Variants in EPS8 observed in about 807,000 individuals in gnomAD.
EPS8 encodes epidermal growth factor receptor kinase substrate 8.
Under a neutral mutation model 103.8 loss-of-function variants are expected in EPS8, and 42 were observed. The ratio of observed to expected loss-of-function variants is 0.40; its 90% confidence interval spans 0.32 to 0.52. EPS8 has a LOEUF of 0.52. Among genes scored for constraint, EPS8 ranks in the 20% least tolerant of loss-of-function variants. EPS8 has a pLI of 0.40. For missense variants in EPS8, 969 were observed against 1,005.1 expected, an observed-to-expected ratio of 0.96 and a Z score of 0.49; for synonymous variants, 344 against 344.6, an observed-to-expected ratio of 1.00 and a Z score of 0.02.
Position 15,714,555 on chromosome 12 carries a change from C to T in EPS8, c.-21-31583G>A, listed in dbSNP as rs377188649. Among the ~76,000 whole-genome samples, 2 of 152,120 alleles carry T rather than the reference C, an allele frequency of 1.3e-5. No homozygotes were observed. Among genetic ancestry groups the T allele is most frequent in the African/African-American group, 2.4e-5 (1 of 41,426 alleles). On this transcript the variant is annotated intron_variant, in intron 1 of 20. Coordinates refer to ENST00000281172, the MANE Select transcript of EPS8 (RefSeq NM_004447.6). The surrounding 1 kb of genome is among the most constrained non-coding windows in gnomAD (Gnocchi z 4.1). ...TGCTCATGAGGCTGAGACAGGAGAA[C>T]TGCTTGAGCCCAGGAGTTTGAGCCC...
At position 15,777,962 on chromosome 12, in the gene EPS8, G is replaced by A. The variant is rs1400854138; in HGVS notation, c.-22+11199C>T. ...GGGACTGAAACTTTTTGTTTCAACAGTTTGGGTAAGAAATGTAAAAAAATT... is the reference window on the plus strand; with the variant it reads ...GGGACTGAAACTTTTTGTTTCAACAATTTGGGTAAGAAATGTAAAAAAATT... On this transcript the variant is annotated intron_variant, in intron 1 of 20. Coordinates refer to ENST00000281172, the MANE Select transcript of EPS8 (RefSeq NM_004447.6). This position sits in a 1 kb window ranked among gnomAD's most constrained non-coding sequence, Gnocchi z 4.7. 6.6e-6 allele frequency among the ~76,000 whole-genome samples: 1 copy of A among 152,180 alleles called. No individual in the cohort carries two copies. The highest frequency in any genetic ancestry group is 1.5e-5 in the Non-Finnish European group (1 of 68,030).
At chr12:15,636,865 A>G (rs940545910) in intron 17 of EPS8, among the ~76,000 whole-genome samples, 1 of 152,246 alleles carries the variant, frequency 6.6e-6, no homozygotes, top group African/African-American at 2.4e-5. Context: ...GGATACATAA[A>G]GCAAAAATCA....
At chr12:15,660,300 A>C (rs929013841) in intron 10 of EPS8, among the ~76,000 whole-genome samples, 11 of 143,976 alleles carry the variant, frequency 7.6e-5, no homozygotes, top group African/African-American at 2.6e-4. Flanking sequence ...TTTGACATGG[A>C]GTTTCCAGGC....
rs1946056267 is a variant in EPS8, at chr12:15,684,155, T to C, written c.-21-1183A>G. 6.6e-6 allele frequency: 1 copy of C among 152,136 alleles called. No homozygotes were observed. The allele number at this position is 152,136 out of a possible 1,614,324, so 9.4% of individuals were successfully genotyped here. On this transcript the variant is annotated intron_variant, in intron 1 of 20. Transcript: ENST00000281172. This position sits in a 1 kb window ranked among gnomAD's most constrained non-coding sequence, Gnocchi z 4.9. Reference sequence around the variant, plus strand: ...TTCATCATAACACGGATGCAAATAATAACAGAACTTAACTCTGATTGGAAG... The same window carrying C: ...TTCATCATAACACGGATGCAAATAACAACAGAACTTAACTCTGATTGGAAG...
rs947959051 is a variant in EPS8 at position 15,704,061 on chromosome 12, T to C, written c.-21-21089A>G. Among the ~76,000 whole-genome samples the C allele has an allele frequency of 6.6e-6, 1 of 152,128 alleles. No individual in the cohort carries two copies. On this transcript the variant is annotated intron_variant, in intron 1 of 20. Transcript: ENST00000281172. This position sits in a 1 kb window ranked among gnomAD's most constrained non-coding sequence, Gnocchi z 4.6. ...TCTTCATCCTATTTTAGAAAGTTCA[T>C]TGTAAAATTCCAAAGACTGTAAGAA... is the stretch of plus-strand genomic sequence containing the variant.
chr12:15,748,105 C>T lies in EPS8; in HGVS notation c.-22+41056G>A, dbSNP rs1458923651. 6.6e-6 allele frequency among the ~76,000 whole-genome samples: 1 copy of T among 152,104 alleles called. No individual in the cohort carries two copies. Among genetic ancestry groups the T allele is most frequent in the East Asian group, 1.9e-4 (1 of 5,202 alleles). Reference sequence around the variant, plus strand: ...AGAATTTGCTATCAAAAGGTCTGTGCCAAGCCCCGCAACTTAATAACCCAC... The same window carrying T: ...AGAATTTGCTATCAAAAGGTCTGTGTCAAGCCCCGCAACTTAATAACCCAC... On this transcript the variant is annotated intron_variant, in intron 1 of 20. Transcript: ENST00000281172. This position sits in a 1 kb window ranked among gnomAD's most constrained non-coding sequence, Gnocchi z 4.8.
At chr12:15,753,631 A>G (rs1322350982) in intron 1 of EPS8, among the ~76,000 whole-genome samples, 1 of 152,102 alleles carries the variant, frequency 6.6e-6, no homozygotes, top group Non-Finnish European at 1.5e-5. Flanking sequence ...CGTAATAAAA[A>G]CTCTAATGCA....
intron 9 of EPS8, among the ~76,000 whole-genome samples, chr12:15,661,173 GCTAGT>G (rs1446540753): frequency 6.6e-6 from 1 of 152,138 alleles, no homozygotes; most frequent in Non-Finnish European, 1.5e-5. Context: ...TAACCTAATA[GCTAGT>G]CTAGGATACT....
At chr12:15,639,000 C>T (rs78112314) in intron 17 of EPS8, among the ~76,000 whole-genome samples, 2,585 of 152,346 alleles carry the variant, frequency 0.017, 77 homozygotes, top group African/African-American at 0.059. Flanking sequence ...AGAATTCATA[C>T]TATTTGCATG....
Position 15,749,714 on chromosome 12 carries a change from A to G in EPS8, c.-22+39447T>C, listed in dbSNP as rs1946911763. On this transcript the variant is annotated intron_variant, in intron 1 of 20. Coordinates refer to ENST00000281172, the MANE Select transcript of EPS8 (RefSeq NM_004447.6). The surrounding 1 kb of genome is among the most constrained non-coding windows in gnomAD (Gnocchi z 4.0). Reference sequence around the variant, plus strand: ...ATTGTTCATAATATCTTCATATTGCATTGTTCATTAAAATCAAATATAAAA... The same window carrying G: ...ATTGTTCATAATATCTTCATATTGCGTTGTTCATTAAAATCAAATATAAAA... Among the ~76,000 whole-genome samples, 1 of 152,150 alleles carries G rather than the reference A, an allele frequency of 6.6e-6. No individual in the cohort carries two copies. The highest frequency in any genetic ancestry group is 1.5e-5 in the Non-Finnish European group (1 of 68,030).
At position 15,701,396 on chromosome 12, in the gene EPS8, A is replaced by G. The variant is rs1225220053; in HGVS notation, c.-21-18424T>C. Among the ~76,000 whole-genome samples the G allele has an allele frequency of 6.6e-6, 1 of 152,198 alleles. No homozygotes were observed. The highest frequency in any genetic ancestry group is 1.5e-5 in the Non-Finnish European group (1 of 68,022). On this transcript the variant is annotated intron_variant, in intron 1 of 20. Transcript: ENST00000281172. The surrounding 1 kb of genome is among the most constrained non-coding windows in gnomAD (Gnocchi z 5.1). ...CCTCAGACACAGGCAGACCAACACA[A>G]AAGCCCAAACTCAGTTTCTATGCTA...
intron 1 of EPS8, among the ~76,000 whole-genome samples, chr12:15,766,237 G>A (rs1477070507): frequency 6.6e-6 from 1 of 151,670 alleles, no homozygotes; most frequent in Non-Finnish European, 1.5e-5. Context: ...CAGCACTCTG[G>A]GAGGTCGAGG....
chr12:15,674,905 G>A (rs777626195), intron 3 of EPS8, among the ~76,000 whole-genome samples: 56 of 152,096 alleles, frequency 3.7e-4, no homozygotes, highest in Admixed American at 5.9e-4. Context: ...TGTAAATAAG[G>A]ATGGGCAAAA....
intron 10 of EPS8, among the ~76,000 whole-genome samples, chr12:15,659,907 T>C (rs1190683936): frequency 6.6e-6 from 1 of 152,242 alleles, no homozygotes; most frequent in Non-Finnish European, 1.5e-5. Flanking sequence ...TTGAAACTTT[T>C]AAATATTTTA....
intron 1 of EPS8, among the ~76,000 whole-genome samples, chr12:15,726,162 G>C (rs1159639378): frequency 1.3e-5 from 2 of 152,056 alleles, no homozygotes; most frequent in Non-Finnish European, 2.9e-5. Context: ...TATTTCACAA[G>C]AGAAATTAAA....
At chr12:15,753,672 AAAT>A (rs1372336268) in intron 1 of EPS8, among the ~76,000 whole-genome samples, 2 of 152,230 alleles carry the variant, frequency 1.3e-5, no homozygotes, top group East Asian at 3.8e-4. Context: ...CTAGTGATCA[AAAT>A]AATGATATAT....
chr12:15,785,920 A>G lies in EPS8; in HGVS notation c.-22+3241T>C, dbSNP rs1947306327. On this transcript the variant is annotated intron_variant, in intron 1 of 20. Coordinates refer to ENST00000281172, the MANE Select transcript of EPS8 (RefSeq NM_004447.6). This position sits in a 1 kb window ranked among gnomAD's most constrained non-coding sequence, Gnocchi z 4.9. The stretch of plus-strand genomic sequence containing the variant: ...ATAGATAGATAGATTTTATATTTAT[A>G]TAATATATATATATCCATGAGTCCA... 6.6e-6 allele frequency among the ~76,000 whole-genome samples: 1 copy of G among 151,694 alleles called. No individual in the cohort carries two copies.
intron 1 of EPS8, chr12:15,732,904 G>A (rs1946732909): frequency 4.5e-6 from 1 of 221,614 alleles, no homozygotes; most frequent in Admixed American, 6.5e-5. Flanking sequence ...AGTAAGCTAT[G>A]TGAGGAAAAT....
chr12:15,665,596 A>T, intron 8 of EPS8, 160 bp downstream of exon 8: 2 of 775,730 alleles, frequency 2.6e-6, no homozygotes, highest in South Asian at 1.6e-5. Flanking sequence ...CTCCCAAAGC[A>T]CTGGGATTAC....
Sources: allele counts gnomAD v4.1 joint callset (sites outside exome capture counted in the v4.1 genomes callset), GRCh38; gene constraint gnomAD v4.1.1; non-coding constraint Gnocchi (gnomAD v3.1); transcripts MANE v1.5; gene names NCBI Gene and HGNC (gene_info 2026-07-23, HGNC 2026-07-21).